Variants in AP3B2 observed in about 807,000 individuals in gnomAD.
AP3B2 encodes adaptor related protein complex 3 subunit beta 2.
In AP3B2, 50 loss-of-function variants were observed where a neutral mutation model predicts 126.9. That is an observed-to-expected ratio of 0.39 (90% CI 0.31 to 0.50). The LOEUF (loss-of-function observed/expected upper bound fraction) is 0.50, where lower values mean the gene tolerates loss of function less well. Ranked by LOEUF, AP3B2 falls within the 20% of genes least tolerant of loss-of-function variation. The pLI is 0.79. For synonymous variants in AP3B2, 541 were observed against 565.0 expected, an observed-to-expected ratio of 0.96 and a Z score of 0.60; for missense variants, 1,177 against 1,426.4, an observed-to-expected ratio of 0.83 and a Z score of 2.82.
rs770676463 is a variant in AP3B2 at position 82,663,252 on chromosome 15, CTA to C, written c.2498-21_2498-20del. ...GGGGTGACTGTGGGAGTAGATAAGACTATGAGGAGGCAAAGTGGAGGTGGCTT... is the reference window on the plus strand; with the variant it reads ...GGGGTGACTGTGGGAGTAGATAAGACTGAGGAGGCAAAGTGGAGGTGGCTT... On this transcript the variant is annotated intron_variant, in intron 21 of 26. Transcript: ENST00000535359. The C allele has an allele frequency of 1.1e-5, 18 of 1,593,584 alleles. No individual in the cohort carries two copies. Among genetic ancestry groups the C allele is most frequent in the Middle Eastern group, 1.7e-4 (1 of 5,816 alleles).
At chr15:82,678,033 G>T in intron 11 of AP3B2, 72 bp downstream of exon 11, 1 of 1,543,852 alleles carries the variant, frequency 6.5e-7, no homozygotes, top group Non-Finnish European at 8.9e-7. Context: ...ATAAGAGGAG[G>T]TTTACCCACC....
intron 13 of AP3B2, among the ~76,000 whole-genome samples, 177 bp downstream of exon 13, chr15:82,677,097 G>C (rs180719967): frequency 3.3e-5 from 5 of 152,318 alleles, no homozygotes; most frequent in Admixed American, 2.0e-4. Flanking sequence ...TCTCCAAAGG[G>C]AAAGCAAATC....
chr15:82,676,958 A>G (rs1309879831), intron 13 of AP3B2, among the ~76,000 whole-genome samples: 1 of 152,194 alleles, frequency 6.6e-6, no homozygotes, highest in East Asian at 1.9e-4. Flanking sequence ...ATCTTTGGGA[A>G]TGCCTTGTTT....
chr15:82,709,553 G>C (rs2048850347), intron 1 of AP3B2, 41 bp downstream of exon 1: 17 of 1,405,440 alleles, frequency 1.2e-5, no homozygotes, highest in Non-Finnish European at 1.6e-5. Flanking sequence ...CCCGGTCCCC[G>C]GCCCCAACCC....
In AP3B2 at chr15:82,659,999, G is replaced by A. The variant is rs190462067; in HGVS notation, c.3017-16C>T. 8.6e-5 allele frequency: 139 copies of A among 1,613,246 alleles called. No individual in the cohort carries two copies. Among genetic ancestry groups the A allele is most frequent in the Admixed American group, 6.2e-4 (37 of 60,012 alleles). Reference sequence around the variant, plus strand: ...ATCAGCTTTCCTGGGGGTAGAGGTCGTGATGAGGGCAGAGGCCATGGTGGG... The same window carrying A: ...ATCAGCTTTCCTGGGGGTAGAGGTCATGATGAGGGCAGAGGCCATGGTGGG... On this transcript the variant is annotated splice_polypyrimidine_tract_variant and intron_variant, in intron 25 of 26. Coordinates refer to ENST00000535359, the MANE Select transcript of AP3B2 (RefSeq NM_001278512.2).
At position 82,665,666 on chromosome 15, in the gene AP3B2, T is replaced by C; in HGVS notation, c.1853-91A>G. On this transcript the variant is annotated intron_variant, in intron 15 of 26. Coordinates refer to ENST00000535359, the MANE Select transcript of AP3B2 (RefSeq NM_001278512.2). This position sits in a 1 kb window ranked among gnomAD's most constrained non-coding sequence, Gnocchi z 4.4. ...AGGTGGGGCTGGGTGGTGATTCTGGTTGGGACTTCCCAGGTGGGTAGGGGA... is the reference window on the plus strand; with the variant it reads ...AGGTGGGGCTGGGTGGTGATTCTGGCTGGGACTTCCCAGGTGGGTAGGGGA... The C allele has an allele frequency of 9.5e-7, 1 of 1,048,976 alleles. No homozygotes were observed. Among genetic ancestry groups the C allele is most frequent in the Non-Finnish European group, 1.5e-6 (1 of 687,286 alleles). 65.0% of individuals were successfully genotyped at this position (1,048,976 alleles called of 1,614,324 possible).
In AP3B2 at chr15:82,681,542, G is replaced by C. The variant is rs762937074; in HGVS notation, c.399C>G (p.Val133=). 1.2e-6 allele frequency: 2 copies of C among 1,613,782 alleles called. No homozygotes were observed. Among genetic ancestry groups the C allele is most frequent in the Non-Finnish European group, 1.7e-6 (2 of 1,179,878 alleles). ...TGATGGGCACACGGATGCTAGAGAG[G>C]ACACGGAGGGCACTGGCACGAATCA... The part of the protein sequence containing the change: ...NQLIRASALR[V]LSSIRVPIIV... The change falls in exon 5 of 27, where the codon GTC becomes GTG. Residue 133 remains valine, a synonymous_variant. Coordinates refer to ENST00000535359, the MANE Select transcript of AP3B2 (RefSeq NM_001278512.2). This position sits in a 1 kb window ranked among gnomAD's most constrained non-coding sequence, Gnocchi z 4.0.
At chr15:82,663,324 A>G (rs1438921859) in intron 21 of AP3B2, 91 bp from the exon 22 acceptor site, 3 of 1,117,452 alleles carry the variant, frequency 2.7e-6, no homozygotes, top group African/African-American at 3.1e-5. Flanking sequence ...GCATTTCAGC[A>G]CCATGGACAG....
In AP3B2 at chr15:82,665,315, G is replaced by C. The variant is rs1206429451; in HGVS notation, c.1972-12C>G. The C allele has an allele frequency of 2.5e-6, 4 of 1,575,278 alleles. No homozygotes were observed. The African/African-American group carries it at 4.1e-5, about 16-fold the overall frequency. ...GAGAGATCTTCTTCCTGTGTGTGTG[G>C]GGGAGGGTGTTAGGAGGGCTGGGCC... On this transcript the variant is annotated splice_polypyrimidine_tract_variant and intron_variant, in intron 16 of 26. Transcript: ENST00000535359. The surrounding 1 kb of genome is among the most constrained non-coding windows in gnomAD (Gnocchi z 4.4).
At chr15:82,699,662 C>T in intron 1 of AP3B2, 1 of 400,024 alleles carries the variant, frequency 2.5e-6, no homozygotes, top group African/African-American at 2.1e-5. Flanking sequence ...CTCTGGCTGG[C>T]CTCTGGGCAA....
intron 25 of AP3B2, among the ~76,000 whole-genome samples, chr15:82,660,303 C>T (rs2047918590): frequency 6.6e-6 from 1 of 152,096 alleles, no homozygotes; most frequent in South Asian, 2.1e-4. Flanking sequence ...TTAAGAGGTT[C>T]GCCCATCCTG....
intron 1 of AP3B2, among the ~76,000 whole-genome samples, chr15:82,705,069 C>A (rs2048776523): frequency 6.6e-6 from 1 of 152,128 alleles, no homozygotes; most frequent in Non-Finnish European, 1.5e-5. Context: ...AGCCACACCT[C>A]ATTGCCACCT....
rs200505090 is a variant in AP3B2, at chr15:82,659,926, C to A, written c.3074G>T (p.Arg1025Leu). 1 of 1,613,946 alleles carries A rather than the reference C, an allele frequency of 6.2e-7. No homozygotes were observed. The highest frequency in any genetic ancestry group is 1.1e-5 in the South Asian group (1 of 91,082). ...TTTCTGCACCACAATGTGGTCACTC[C>A]GACAGGTGTCTGGCAGCATGAGTTT... ...TEKLMLPDTCRSDHIVVQKVT... is the reference protein window; with the variant it reads ...TEKLMLPDTCLSDHIVVQKVT... Residue 1025 changes from arginine to leucine, a missense_variant, in exon 26 of 27, where the codon CGG becomes CTG. Physicochemically the swap from Arg to Leu is moderately radical, Grantham distance 102. Around this residue, in one of 5 missense-constraint regions of AP3B2, gnomAD observed 587 missense variants for 571.3 expected, o/e 1.03. Transcript: ENST00000535359.
At position 82,663,543 on chromosome 15, in the gene AP3B2, T is replaced by C. The variant is rs910186490; in HGVS notation, c.2497+17A>G. ...CCAGGCCTCCTTTCCCCTGTGACTT[T>C]TACCACCCAAACTCACAATCCTCTA... On this transcript the variant is annotated intron_variant, in intron 21 of 26. Transcript: ENST00000535359. 3.7e-6 allele frequency: 6 copies of C among 1,613,192 alleles called. No homozygotes were observed. The highest frequency in any genetic ancestry group is 5.1e-6 in the Non-Finnish European group (6 of 1,179,478).
In AP3B2 at chr15:82,659,428, A is replaced by G. The variant is rs1596163070; in HGVS notation, c.*132T>C. On this transcript the variant is annotated 3_prime_UTR_variant, in exon 27 of 27. Coordinates refer to ENST00000535359, the MANE Select transcript of AP3B2 (RefSeq NM_001278512.2). The stretch of plus-strand genomic sequence containing the variant: ...GGGGAGGGCTTGGTCCTCCAGAGGG[A>G]GAGAGGACACCCTGAATGCTATCTG... 1.4e-5 allele frequency: 17 copies of G among 1,222,034 alleles called. No homozygotes were observed. Among genetic ancestry groups the G allele is most frequent in the Non-Finnish European group, 2.0e-5 (17 of 868,022 alleles). 75.7% of individuals were successfully genotyped at this position (1,222,034 alleles called of 1,614,324 possible).
At chr15:82,663,356 G>C in intron 21 of AP3B2, 123 bp from the exon 22 acceptor site, 1 of 1,001,168 alleles carries the variant, frequency 1.0e-6, no homozygotes. Context: ...GCTGCCTGGA[G>C]GCTCTCGCAA....
At chr15:82,702,858 T>C (rs1197633891) in intron 1 of AP3B2, among the ~76,000 whole-genome samples, 1 of 152,130 alleles carries the variant, frequency 6.6e-6, no homozygotes, top group Non-Finnish European at 1.5e-5. Flanking sequence ...ATGATAAAGA[T>C]CCACCTAATG....
At position 82,665,205 on chromosome 15, in the gene AP3B2, G is replaced by A; in HGVS notation, c.2028+42C>T. The A allele has an allele frequency of 3.9e-6, 6 of 1,527,382 alleles. 1 individual carries two copies. The South Asian group carries it at 7.1e-5, about 18-fold the overall frequency. 94.6% of individuals were successfully genotyped at this position (1,527,382 alleles called of 1,614,324 possible). ...CACACAGGGGAAGAAGAGGGACACA[G>A]ACAGGGCAGGGGAGAGAGCACACGT... On this transcript the variant is annotated intron_variant, in intron 17 of 26. Transcript: ENST00000535359. This position sits in a 1 kb window ranked among gnomAD's most constrained non-coding sequence, Gnocchi z 4.4.
chr15:82,699,799 G>A, intron 1 of AP3B2: 1 of 399,346 alleles, frequency 2.5e-6, no homozygotes, highest in Non-Finnish European at 4.4e-6. Context: ...AGGGCTAGCA[G>A]CCTCTTGATC....
Sources: gnomAD v4.1 joint callset for allele counts (sites outside exome capture counted in the v4.1 genomes callset) on GRCh38, gnomAD v4.1.1 for gene constraint, gnomAD v4.1.1 regional missense constraint, Gnocchi (gnomAD v3.1) non-coding constraint, MANE v1.5 for transcripts, NCBI Gene and HGNC (gene_info 2026-07-23, HGNC 2026-07-21) for gene names.